SLC12A8: variants seen among roughly 807,000 people sequenced by gnomAD.
The protein encoded by SLC12A8 is solute carrier family 12 member 8.
Under a neutral mutation model 75.6 loss-of-function variants are expected in SLC12A8, and 69 were observed. The ratio of observed to expected loss-of-function variants is 0.91; its 90% confidence interval spans 0.75 to 1.11. The LOEUF (loss-of-function observed/expected upper bound fraction) is 1.11, where lower values mean the gene tolerates loss of function less well. SLC12A8 is among the 50% of genes most tolerant of loss of function. SLC12A8 has a pLI of 0.00. For synonymous variants in SLC12A8, 365 were observed against 372.8 expected (o/e 0.98, Z 0.24); for missense variants, 877 against 896.7 (o/e 0.98, Z 0.28).
intron 5 of SLC12A8, among the ~76,000 whole-genome samples, chr3:125,153,648 A>ATG (rs1283067302): frequency 9.9e-6 from 1 of 100,698 alleles, no homozygotes; most frequent in Non-Finnish European, 2.3e-5. Flanking sequence ...ATTTATTTAT[A>ATG]TATTTTTTGA....
chr3:125,161,749 G>A (rs1269854037), intron 5 of SLC12A8, among the ~76,000 whole-genome samples: 1 of 151,740 alleles, frequency 6.6e-6, no homozygotes, highest in Non-Finnish European at 1.5e-5. Context: ...TTCCCAGCAC[G>A]TGGGCATTCG....
chr3:125,207,298 G>A (rs1935244801), intron 2 of SLC12A8, among the ~76,000 whole-genome samples: 1 of 152,212 alleles, frequency 6.6e-6, no homozygotes, highest in Admixed American at 6.5e-5. Context: ...CTCTGTGGTA[G>A]AGCAGAATGC....
intron 2 of SLC12A8, among the ~76,000 whole-genome samples, 155 bp from the exon 3 acceptor site, chr3:125,190,676 T>G (rs1934894164): frequency 6.6e-6 from 1 of 152,244 alleles, no homozygotes; most frequent in African/African-American, 2.4e-5. Flanking sequence ...CACACATGCA[T>G]GCACATACAC....
rs1363078510 is a variant in SLC12A8, at chr3:125,177,948, G to T, written c.417C>A (p.Thr139=). 1 of 1,613,630 alleles carries T rather than the reference G, an allele frequency of 6.2e-7. No homozygotes were observed. Among genetic ancestry groups the T allele is most frequent in the African/African-American group, 1.3e-5 (1 of 75,050 alleles). Reference sequence around the variant, plus strand: ...AATCCGAGATGGATTCAGCAAAGCCGGTGATATACATGGCACCTGCAACAC... The same window carrying T: ...AATCCGAGATGGATTCAGCAAAGCCTGTGATATACATGGCACCTGCAACAC... The part of the protein sequence containing the change: ...GQCVAGAMYI[T]GFAESISDLL... The change falls in exon 5 of 14, where the codon ACC becomes ACA. Residue 139 remains threonine, a synonymous_variant. Coordinates refer to ENST00000469902, the MANE Select transcript of SLC12A8 (RefSeq NM_024628.6).
intron 7 of SLC12A8, chr3:125,119,182 G>A (rs978298844): frequency 3.3e-5 from 6 of 181,940 alleles, no homozygotes; most frequent in African/African-American, 1.2e-4. Flanking sequence ...TTTAGTGTAT[G>A]TACTGCTGAA....
chr3:125,197,140 G>C (rs1217491707), intron 2 of SLC12A8, among the ~76,000 whole-genome samples: 1 of 152,168 alleles, frequency 6.6e-6, no homozygotes, highest in Non-Finnish European at 1.5e-5. Flanking sequence ...AGAAAAAAAT[G>C]ACAAGGATGT....
At chr3:125,205,017 C>T (rs1339628382) in intron 2 of SLC12A8, among the ~76,000 whole-genome samples, 1 of 152,124 alleles carries the variant, frequency 6.6e-6, no homozygotes, top group Non-Finnish European at 1.5e-5. Flanking sequence ...CAAAGACCAC[C>T]TCCTCATCTA....
At chr3:125,128,470 G>A (rs185954728) in intron 6 of SLC12A8, among the ~76,000 whole-genome samples, 1,900 of 134,898 alleles carry the variant, frequency 0.014, 40 homozygotes, top group African/African-American at 0.05. Flanking sequence ...GTGAGCCACC[G>A]CGCCCGGCCT....
chr3:125,170,808 A>G (rs962725159), intron 5 of SLC12A8, among the ~76,000 whole-genome samples: 4 of 152,168 alleles, frequency 2.6e-5, no homozygotes, highest in Admixed American at 6.5e-5. Flanking sequence ...CCAGCTACTC[A>G]GGAGGCTGAG....
In SLC12A8 at chr3:125,202,264, T is replaced by C. The variant is rs1366309261; in HGVS notation, c.51+9035A>G. 7.2e-5 allele frequency among the ~76,000 whole-genome samples: 11 copies of C among 152,246 alleles called. No individual in the cohort carries two copies. In the East Asian group the frequency reaches 2.1e-3, roughly 29 times the overall value. ...ATTAATTGATAATGTTCTAGGAATA[T>C]AGAACTATCTAATGTTTTAACTGTT... On this transcript the variant is annotated intron_variant, in intron 2 of 13. Transcript: ENST00000469902.
At chr3:125,146,304 G>A (rs1933772444) in intron 5 of SLC12A8, among the ~76,000 whole-genome samples, 1 of 152,196 alleles carries the variant, frequency 6.6e-6, no homozygotes, top group South Asian at 2.1e-4. Context: ...GTTAGTGGGG[G>A]CGGAGTTTCT....
chr3:125,087,172 G>A (rs1938481351), intron 13 of SLC12A8, among the ~76,000 whole-genome samples: 1 of 148,314 alleles, frequency 6.7e-6, no homozygotes, highest in Non-Finnish European at 1.5e-5. Flanking sequence ...CCGGCTCACA[G>A]TAACCTCTGC....
At chr3:125,149,958 C>T (rs1253494393) in intron 5 of SLC12A8, among the ~76,000 whole-genome samples, 1 of 152,190 alleles carries the variant, frequency 6.6e-6, no homozygotes, top group Non-Finnish European at 1.5e-5. Flanking sequence ...TGTTCTAACC[C>T]TGAAAAGTAC....
chr3:125,147,822 T>C (rs999361011), intron 5 of SLC12A8, among the ~76,000 whole-genome samples: 4 of 152,158 alleles, frequency 2.6e-5, no homozygotes, highest in African/African-American at 9.7e-5. Context: ...ACCTTCATTT[T>C]AACAAGATCC....
chr3:125,094,364 C>T (rs1173115117), intron 10 of SLC12A8, among the ~76,000 whole-genome samples: 2 of 152,192 alleles, frequency 1.3e-5, no homozygotes, highest in Non-Finnish European at 2.9e-5. Context: ...ACCTAGGCAA[C>T]TCATCCTCCT....
chr3:125,090,521 T>C (rs906316341), intron 12 of SLC12A8, among the ~76,000 whole-genome samples: 2 of 152,224 alleles, frequency 1.3e-5, no homozygotes, highest in African/African-American at 4.8e-5. Context: ...GGTATTGAAA[T>C]CTCTGACTAT....
chr3:125,167,191 C>G (rs1158857176), intron 5 of SLC12A8, among the ~76,000 whole-genome samples: 1 of 151,850 alleles, frequency 6.6e-6, no homozygotes, highest in Non-Finnish European at 1.5e-5. Context: ...CCTCTGTCAC[C>G]CAGGCTGCAG....
At chr3:125,109,422 T>A (rs1233180517) in intron 9 of SLC12A8, among the ~76,000 whole-genome samples, 1 of 152,172 alleles carries the variant, frequency 6.6e-6, no homozygotes. Flanking sequence ...AAAACCAAAC[T>A]GCATTTTTGG....
intron 2 of SLC12A8, among the ~76,000 whole-genome samples, chr3:125,208,811 G>GAGAGAA (rs1553797737): frequency 2.1e-5 from 3 of 141,452 alleles, no homozygotes; most frequent in Non-Finnish European, 4.6e-5. Context: ...GAGAGAGAGA[G>GAGAGAA]AGAGAGAGAG....
Sources: allele counts gnomAD v4.1 joint callset (sites outside exome capture counted in the v4.1 genomes callset), GRCh38; gene constraint gnomAD v4.1.1; transcripts MANE v1.5; gene names NCBI Gene and HGNC (gene_info 2026-07-23, HGNC 2026-07-21).